Variants in ECE1 observed in about 807,000 individuals in gnomAD.
ECE1 encodes the protein endothelin-converting enzyme 1.
A neutral mutation model predicts 98.6 loss-of-function variants in ECE1; 35 were observed. The observed-to-expected ratio is 0.35, with a 90% confidence interval of 0.27 to 0.47. The LOEUF is 0.47. ECE1 is among the 20% of genes least tolerant of loss of function. The pLI is 1.00. For missense variants in ECE1, 814 were observed against 1,025.3 expected (o/e 0.79, Z 2.81); for synonymous variants, 394 against 407.1 (o/e 0.97, Z 0.39).
chr1:21,265,657 T>C (rs558364799), intron 4 of ECE1, among the ~76,000 whole-genome samples: 11 of 152,052 alleles, frequency 7.2e-5, no homozygotes, highest in South Asian at 2.1e-4. Context: ...CAAGGGGTGC[T>C]CGTCTCGGTA....
chr1:21,281,888 G>T (rs920911941), intron 2 of ECE1, among the ~76,000 whole-genome samples: 1 of 152,150 alleles, frequency 6.6e-6, no homozygotes, highest in Non-Finnish European at 1.5e-5. Context: ...GTAGAGACAG[G>T]GTTTCACCAT....
chr1:21,308,754 G>A (rs1014697597), intron 1 of ECE1, among the ~76,000 whole-genome samples: 1 of 152,088 alleles, frequency 6.6e-6, no homozygotes, highest in East Asian at 1.9e-4. Flanking sequence ...ACTGAGGGGC[G>A]AGCTGGGGCC....
chr1:21,303,758 C>T (rs1204235739), intron 1 of ECE1, among the ~76,000 whole-genome samples: 1 of 152,076 alleles, frequency 6.6e-6, no homozygotes, highest in Non-Finnish European at 1.5e-5. Flanking sequence ...AAGCAATGCT[C>T]CTGCCTCAGC....
intron 1 of ECE1, among the ~76,000 whole-genome samples, chr1:21,295,766 A>T (rs560365540): frequency 6.6e-6 from 1 of 152,260 alleles, no homozygotes; most frequent in African/African-American, 2.4e-5. Flanking sequence ...TTTATTTATA[A>T]CCTATCATGA....
chr1:21,236,799 G>A lies in ECE1; in HGVS notation c.1435C>T (p.Leu479=), dbSNP rs142640033. Residue 479 remains leucine, a synonymous_variant, in exon 12 of 19, where the codon CTG becomes TTG. Transcript: ENST00000374893. ...TCATCCATCCACTTCAGGGTGCTCA[G>A]GCTTTCCTCAAATGCCTTCTTAATC... ...LEIKKAFEES[L]STLKWMDEET... is the part of the protein sequence containing the mutation. 1 of 1,613,922 alleles carries A rather than the reference G, an allele frequency of 6.2e-7. No homozygotes were observed. The highest frequency in any genetic ancestry group is 8.5e-7 in the Non-Finnish European group (1 of 1,180,032).
At chr1:21,222,775 G>C (rs1248881783) in intron 17 of ECE1, among the ~76,000 whole-genome samples, 1 of 142,978 alleles carries the variant, frequency 7.0e-6, no homozygotes, top group African/African-American at 2.6e-5. Context: ...CAGGAAGGCA[G>C]AGGTTGCAGT....
intron 6 of ECE1, among the ~76,000 whole-genome samples, chr1:21,257,827 C>T (rs568184624): frequency 6.6e-6 from 1 of 152,312 alleles, no homozygotes; most frequent in Non-Finnish European, 1.5e-5. Context: ...AAGGGCTGGA[C>T]AGAGCCACCC....
intron 17 of ECE1, among the ~76,000 whole-genome samples, chr1:21,222,870 C>T (rs1205883962): frequency 1.4e-5 from 2 of 144,440 alleles, no homozygotes; most frequent in Non-Finnish European, 3.0e-5. Context: ...AAAAAAGCCA[C>T]AGACATGGAA....
In ECE1 at chr1:21,260,234, G is replaced by C. The variant is rs753125148; in HGVS notation, c.615+37C>G. ...AGCCAGGGGGCGGGCAGGTGGCATG[G>C]GCCGGGGCTTGGGGAGGGAGAGCCC... On this transcript the variant is annotated intron_variant, in intron 5 of 18. Coordinates refer to ENST00000374893, the MANE Select transcript of ECE1 (RefSeq NM_001397.3). The surrounding 1 kb of genome is among the most constrained non-coding windows in gnomAD (Gnocchi z 4.3). 4.3e-6 allele frequency: 7 copies of C among 1,614,208 alleles called. No individual in the cohort carries two copies. The South Asian group carries it at 7.7e-5, about 18-fold the overall frequency.
chr1:21,227,135 A>T (rs1354528125), intron 16 of ECE1, 24 bp downstream of exon 16: 1 of 1,612,550 alleles, frequency 6.2e-7, no homozygotes, highest in East Asian at 2.2e-5. Context: ...GGCATGAGCC[A>T]TCGTGCCCAG....
At chr1:21,259,086 G>C (rs564352153) in intron 5 of ECE1, among the ~76,000 whole-genome samples, 137 of 152,190 alleles carry the variant, frequency 9.0e-4, no homozygotes, top group African/African-American at 3.2e-3. Flanking sequence ...CCGCTCCCTG[G>C]GTGGCTGGGA....
chr1:21,251,772 C>T lies in ECE1; in HGVS notation c.1020+4175G>A, dbSNP rs2098213157. Among the ~76,000 whole-genome samples the T allele has an allele frequency of 3.9e-5, 6 of 152,140 alleles. 1 individual carries two copies. In the South Asian group the frequency reaches 1.2e-3, roughly 32 times the overall value. On this transcript the variant is annotated intron_variant, in intron 8 of 18. Coordinates refer to ENST00000374893, the MANE Select transcript of ECE1 (RefSeq NM_001397.3). ...AGCTCTGGGACCTCCAGCCTTTTTC[C>T]GTTCTTTCTCTAAAAAGGGGAAAAC...
Position 21,227,939 on chromosome 1 carries a change from G to A in ECE1, c.1773C>T (p.Ser591=). 2 of 1,553,604 alleles carry A rather than the reference G, an allele frequency of 1.3e-6. No homozygotes were observed. Among genetic ancestry groups the A allele is most frequent in the Non-Finnish European group, 1.7e-6 (2 of 1,147,722 alleles). The change falls in exon 15 of 19, where the codon TCC becomes TCT. Residue 591 remains serine, a synonymous_variant. Transcript: ENST00000374893. The stretch of plus-strand genomic sequence containing the variant: ...CCCCAGAGGCAGCCTACTTGGGTGA[G>A]GAGCGTGTGTAGAATGGTGCCTGCA... ...GILQAPFYTR[S]SPKALNFGGI...
chr1:21,244,099 C>T (rs904178953), intron 10 of ECE1, among the ~76,000 whole-genome samples: 1 of 152,172 alleles, frequency 6.6e-6, no homozygotes, highest in Non-Finnish European at 1.5e-5. Context: ...GTCAGCTCTG[C>T]CTCCTCTCTG....
At chr1:21,242,907 G>C (rs1573955427) in intron 10 of ECE1, among the ~76,000 whole-genome samples, 1 of 152,128 alleles carries the variant, frequency 6.6e-6, no homozygotes, top group Admixed American at 6.6e-5. Context: ...CAGCCTCCAG[G>C]GTAGCTGGGA....
chr1:21,297,556 G>C (rs1638392022), intron 1 of ECE1, among the ~76,000 whole-genome samples: 1 of 132,222 alleles, frequency 7.6e-6, no homozygotes, highest in Admixed American at 8.4e-5. Flanking sequence ...TTTTGAGACA[G>C]AATCTCACTC....
At chr1:21,309,331 G>T (rs1638666735) in intron 1 of ECE1, among the ~76,000 whole-genome samples, 1 of 152,232 alleles carries the variant, frequency 6.6e-6, no homozygotes, top group East Asian at 1.9e-4. Context: ...CTGTGACCTT[G>T]AGTGAGTTAC....
At chr1:21,234,213 C>A (rs2103232892) in intron 13 of ECE1, among the ~76,000 whole-genome samples, 1 of 152,096 alleles carries the variant, frequency 6.6e-6, no homozygotes, top group African/African-American at 2.4e-5. Context: ...GTTTCAAACT[C>A]CTGACCTCAG....
chr1:21,229,983 C>CA (rs955771105), intron 14 of ECE1, among the ~76,000 whole-genome samples: 45 of 150,630 alleles, frequency 3.0e-4, no homozygotes, highest in Admixed American at 8.6e-4. Context: ...CCAGCCTGGG[C>CA]AAAAAAAAAT....
Sources: allele counts gnomAD v4.1 joint callset (sites outside exome capture counted in the v4.1 genomes callset), GRCh38; gene constraint gnomAD v4.1.1; non-coding constraint Gnocchi (gnomAD v3.1); transcripts MANE v1.5; gene names NCBI Gene and HGNC (gene_info 2026-07-23, HGNC 2026-07-21).